AGBL4: variants seen among roughly 807,000 people sequenced by gnomAD.
AGBL4 encodes the protein cytosolic carboxypeptidase 6.
AGBL4 carries 58 observed loss-of-function variants against 66.4 expected under a neutral mutation model. The observed-to-expected ratio is 0.87, with a 90% CI of 0.71 to 1.09. AGBL4 has a LOEUF of 1.09. Among genes scored for constraint, AGBL4 ranks in the 50% least tolerant of loss-of-function variants. The pLI is 0.00. For missense variants in AGBL4, 579 were observed against 631.0 expected (o/e 0.92, Z 0.88); for synonymous variants, 234 against 222.9 (o/e 1.05, Z -0.44).
At chr1:49,078,444 C>G (rs1051054289) in intron 4 of AGBL4, among the ~76,000 whole-genome samples, 2 of 152,172 alleles carry the variant, frequency 1.3e-5, no homozygotes, top group African/African-American at 4.8e-5. Flanking sequence ...GACTGTCTTT[C>G]TTCAGTGGTA....
rs540740113 is a variant in AGBL4 at position 49,804,072 on chromosome 1, A to G, written c.157+47324T>C. On this transcript the variant is annotated intron_variant, in intron 2 of 13. Transcript: ENST00000371839. ...TACCTGGTTGGAATTTTTTTAAATT[A>G]GTAGTTAAAATGTGGCTGTTACAGC... Among the ~76,000 whole-genome samples the G allele has an allele frequency of 1.4e-3, 210 of 152,318 alleles. 1 individual carries two copies. The highest frequency in any genetic ancestry group is 4.8e-3 in the African/African-American group (200 of 41,576).
chr1:49,662,337 G>T (rs1258903375), intron 3 of AGBL4, among the ~76,000 whole-genome samples: 4 of 151,740 alleles, frequency 2.6e-5, no homozygotes, highest in Admixed American at 2.6e-4. Context: ...TAAAACATTA[G>T]CCATATAATA....
At chr1:49,273,872 C>A (rs113327409) in intron 3 of AGBL4, among the ~76,000 whole-genome samples, 1 of 151,830 alleles carries the variant, frequency 6.6e-6, no homozygotes, top group African/African-American at 2.4e-5. Flanking sequence ...TTAGTAGAGA[C>A]GGGGTTTCAC....
intron 2 of AGBL4, among the ~76,000 whole-genome samples, chr1:49,738,120 C>T (rs893032872): frequency 5.3e-5 from 8 of 152,228 alleles, no homozygotes; most frequent in African/African-American, 9.6e-5. Context: ...TCCCCTCACC[C>T]GGGAAGAGAA....
chr1:49,389,543 A>G (rs1051290397), intron 3 of AGBL4, among the ~76,000 whole-genome samples: 4 of 152,148 alleles, frequency 2.6e-5, no homozygotes, highest in Non-Finnish European at 5.9e-5. Context: ...CTAGTCAAAC[A>G]CTGCCTGTCC....
At chr1:49,594,186 C>T (rs992039943) in intron 3 of AGBL4, among the ~76,000 whole-genome samples, 2 of 152,082 alleles carry the variant, frequency 1.3e-5, no homozygotes, top group African/African-American at 4.8e-5. Flanking sequence ...ACAGTTCAAA[C>T]CTGTGTTGTT....
intron 3 of AGBL4, among the ~76,000 whole-genome samples, chr1:49,683,831 C>T (rs1479252951): frequency 6.6e-6 from 1 of 152,080 alleles, no homozygotes; most frequent in African/African-American, 2.4e-5. Flanking sequence ...AAAAATAGGA[C>T]TGCAAAAAGA....
At chr1:49,746,651 T>C (rs560283342) in intron 2 of AGBL4, among the ~76,000 whole-genome samples, 1 of 152,196 alleles carries the variant, frequency 6.6e-6, no homozygotes, top group Non-Finnish European at 1.5e-5. Flanking sequence ...CTAAGACGAA[T>C]TTTGAATATT....
rs1649161979 is a variant in AGBL4 at position 48,736,988 on chromosome 1, A to T, written c.635-73747T>A. ...ACAGGGGTCACCTAGGGAGCTGTAAAAATCACCAGTGACAGCCAGGCATGG... is the reference window on the plus strand; with the variant it reads ...ACAGGGGTCACCTAGGGAGCTGTAATAATCACCAGTGACAGCCAGGCATGG... On this transcript the variant is annotated intron_variant, in intron 6 of 13. Transcript: ENST00000371839. This position sits in a 1 kb window ranked among gnomAD's most constrained non-coding sequence, Gnocchi z 4.0. 6.6e-6 allele frequency among the ~76,000 whole-genome samples: 1 copy of T among 152,174 alleles called. No individual in the cohort carries two copies. The highest frequency in any genetic ancestry group is 2.1e-4 in the South Asian group (1 of 4,826).
intron 3 of AGBL4, among the ~76,000 whole-genome samples, chr1:49,548,540 A>G (rs1652692884): frequency 6.6e-6 from 1 of 152,006 alleles, no homozygotes; most frequent in South Asian, 2.1e-4. Context: ...TGAACATGTG[A>G]TTTTTGTTTT....
intron 1 of AGBL4, among the ~76,000 whole-genome samples, chr1:50,020,025 T>A (rs1470831580): frequency 6.6e-6 from 1 of 152,006 alleles, no homozygotes; most frequent in Non-Finnish European, 1.5e-5. Context: ...AAAAAATTTC[T>A]AATGTATTGC....
intron 3 of AGBL4, among the ~76,000 whole-genome samples, chr1:49,340,443 GA>G (rs1191825256): frequency 6.6e-6 from 1 of 152,030 alleles, no homozygotes; most frequent in Non-Finnish European, 1.5e-5. Context: ...CAAGACAAAT[GA>G]AAACAAGGAT....
chr1:48,760,543 C>T (rs76860452), intron 6 of AGBL4, among the ~76,000 whole-genome samples: 3,929 of 152,236 alleles, frequency 0.026, 142 homozygotes, highest in African/African-American at 0.09. Context: ...AATATGTCTG[C>T]GTCACTATAA....
intron 3 of AGBL4, among the ~76,000 whole-genome samples, chr1:49,562,426 G>A (rs1408789953): frequency 6.6e-6 from 1 of 152,094 alleles, no homozygotes; most frequent in Non-Finnish European, 1.5e-5. Context: ...TTCTTCTAGG[G>A]TTTTTATGGT....
At chr1:48,943,968 C>T (rs530442946) in intron 5 of AGBL4, among the ~76,000 whole-genome samples, 10 of 152,194 alleles carry the variant, frequency 6.6e-5, no homozygotes, top group African/African-American at 9.6e-5. Context: ...CAGGGCTAGA[C>T]GGGTTAGATG....
intron 3 of AGBL4, among the ~76,000 whole-genome samples, chr1:49,633,967 ATATTT>A (rs914445496): frequency 6.7e-6 from 1 of 148,960 alleles, no homozygotes; most frequent in Non-Finnish European, 1.5e-5. Flanking sequence ...TTTTTTCATA[ATATTT>A]TAAGTCAATT....
intron 3 of AGBL4, among the ~76,000 whole-genome samples, chr1:49,338,569 A>C (rs553315607): frequency 9.8e-5 from 15 of 152,338 alleles, no homozygotes; most frequent in Non-Finnish European, 1.8e-4. Context: ...TCTTTGGCTC[A>C]GGCTAGGGTC....
At chr1:49,218,923 T>C (rs555365338) in intron 4 of AGBL4, among the ~76,000 whole-genome samples, 2 of 152,302 alleles carry the variant, frequency 1.3e-5, no homozygotes, top group East Asian at 3.9e-4. Context: ...CCTGCCACCA[T>C]GTAAGCTGTG....
intron 1 of AGBL4, among the ~76,000 whole-genome samples, chr1:49,950,041 T>C (rs565541503): frequency 1.7e-4 from 24 of 141,832 alleles, no homozygotes; most frequent in Admixed American, 9.2e-4. Context: ...TGTATATATA[T>C]ACACATATGT....
Sources: gnomAD v4.1 joint callset for allele counts (sites outside exome capture counted in the v4.1 genomes callset) on GRCh38, gnomAD v4.1.1 for gene constraint, Gnocchi (gnomAD v3.1) non-coding constraint, MANE v1.5 for transcripts, NCBI Gene and HGNC (gene_info 2026-07-23, HGNC 2026-07-21) for gene names.